PEX14: variants seen among roughly 807,000 people sequenced by gnomAD.
PEX14 encodes peroxisomal membrane protein PEX14.
Under a neutral mutation model 49.5 loss-of-function variants are expected in PEX14, and 15 were observed. That is an observed-to-expected ratio of 0.30 (90% CI 0.20 to 0.47). PEX14 has a LOEUF of 0.47. Among genes scored for constraint, PEX14 ranks in the 20% least tolerant of loss-of-function variants. PEX14 has a pLI of 1.00. For missense variants in PEX14, 398 were observed against 494.8 expected (o/e 0.80, Z 1.86); for synonymous variants, 210 against 212.7 (o/e 0.99, Z 0.11).
chr1:10,622,572 G>A (rs1641626532), intron 5 of PEX14, among the ~76,000 whole-genome samples: 1 of 152,164 alleles, frequency 6.6e-6, no homozygotes, highest in Non-Finnish European at 1.5e-5. Context: ...GGTTCAAAAT[G>A]TTCACAATTC....
In PEX14 at chr1:10,524,850, T is replaced by TA. The variant is rs200352600; in HGVS notation, c.85-11355dup. ...TGGAGCGCCACTACGCCAAGCTATT[T>TA]AAAAAAAACAAATTTTTTTTTGAAA... On this transcript the variant is annotated intron_variant, in intron 2 of 8. Transcript: ENST00000356607. Among the ~76,000 whole-genome samples the TA allele has an allele frequency of 3.9e-3, 596 of 152,044 alleles. 2 individuals carry two copies. The highest frequency in any genetic ancestry group is 0.013 in the African/African-American group (554 of 41,484).
At chr1:10,486,791 G>A (rs1172516110) in intron 1 of PEX14, among the ~76,000 whole-genome samples, 4 of 151,148 alleles carry the variant, frequency 2.6e-5, no homozygotes, top group Non-Finnish European at 4.4e-5. Context: ...GGGTTCAAGC[G>A]ATTCTCTGCC....
chr1:10,484,577 T>G (rs1641337034), intron 1 of PEX14, among the ~76,000 whole-genome samples: 1 of 151,786 alleles, frequency 6.6e-6, no homozygotes, highest in African/African-American at 2.4e-5. Context: ...AGTTTTTGAT[T>G]CCTGCGTAAC....
At chr1:10,583,965 T>G (rs986858304) in intron 3 of PEX14, among the ~76,000 whole-genome samples, 1 of 152,162 alleles carries the variant, frequency 6.6e-6, no homozygotes, top group Non-Finnish European at 1.5e-5. Context: ...AGTATCTTGG[T>G]AAGGACTTTG....
chr1:10,544,189 GA>G (rs1226312065), intron 3 of PEX14, among the ~76,000 whole-genome samples: 2 of 152,154 alleles, frequency 1.3e-5, no homozygotes, highest in Non-Finnish European at 2.9e-5. Flanking sequence ...TTTTCGCTGT[GA>G]CCCTAGTATG....
chr1:10,624,273 C>T (rs1018554400), intron 6 of PEX14, 67 bp from the exon 7 acceptor site: 24 of 1,004,638 alleles, frequency 2.4e-5, no homozygotes, highest in Non-Finnish European at 3.5e-5. Flanking sequence ...CCGAGGTGTG[C>T]GGACCGAGCG....
chr1:10,585,684 C>T (rs1640461006), intron 3 of PEX14, among the ~76,000 whole-genome samples: 1 of 152,224 alleles, frequency 6.6e-6, no homozygotes, highest in Admixed American at 6.5e-5. Context: ...CTTCGGGAGG[C>T]CGAGGTGAGC....
rs984047595 is a variant in PEX14, at chr1:10,628,337, C to A, written c.677+974C>A. Among the ~76,000 whole-genome samples the A allele has an allele frequency of 2.6e-5, 4 of 152,256 alleles. No homozygotes were observed. The highest frequency in any genetic ancestry group is 1.3e-4 in the Admixed American group (2 of 15,290). ...TGGGCTGATGCCCTAGTGGGCCTTG[C>A]ATGGGGTGTCCTTGTTTCCCTGCTG... On this transcript the variant is annotated intron_variant, in intron 8 of 8. Transcript: ENST00000356607. This position sits in a 1 kb window ranked among gnomAD's most constrained non-coding sequence, Gnocchi z 4.5.
intron 2 of PEX14, among the ~76,000 whole-genome samples, chr1:10,507,988 AG>A: frequency 6.6e-6 from 1 of 152,258 alleles, no homozygotes. Context: ...TAATGTTTAG[AG>A]GTTTTGAAAC....
At chr1:10,581,299 G>A (rs926068058) in intron 3 of PEX14, among the ~76,000 whole-genome samples, 1 of 138,842 alleles carries the variant, frequency 7.2e-6, no homozygotes, top group African/African-American at 2.8e-5. Flanking sequence ...GAGGATCTTT[G>A]TTATCCTTTT....
In PEX14 at chr1:10,495,450, CCT is replaced by C; in HGVS notation, c.84+132_84+133del. ...AAAAGTAGCTGTTACCTAGAGACTGCCTCTGTCAGTGACCTCTGACTTCTCTT... is the reference window on the plus strand; with the variant it reads ...AAAAGTAGCTGTTACCTAGAGACTGCCTGTCAGTGACCTCTGACTTCTCTT... On this transcript the variant is annotated intron_variant, in intron 2 of 8. Transcript: ENST00000356607. The surrounding 1 kb of genome is among the most constrained non-coding windows in gnomAD (Gnocchi z 4.2). 1.3e-6 allele frequency: 1 copy of C among 753,042 alleles called. No individual in the cohort carries two copies. Among genetic ancestry groups the C allele is most frequent in the Non-Finnish European group, 2.3e-6 (1 of 430,524 alleles). The allele number at this position is 753,042 out of a possible 1,614,324, so 46.6% of individuals were successfully genotyped here.
intron 3 of PEX14, among the ~76,000 whole-genome samples, chr1:10,557,834 CT>C (rs70997249): frequency 0.64 from 93,776 of 146,416 alleles, 30,157 homozygotes; most frequent in Admixed American, 0.69. Flanking sequence ...ATTTGCCTAC[CT>C]TTTTTTTTTT....
At chr1:10,582,609 C>T (rs1480499547) in intron 3 of PEX14, among the ~76,000 whole-genome samples, 1 of 152,176 alleles carries the variant, frequency 6.6e-6, no homozygotes, top group Non-Finnish European at 1.5e-5. Context: ...ATGGCTGGAA[C>T]ATCAGGGGTG....
intron 4 of PEX14, among the ~76,000 whole-genome samples, chr1:10,615,303 C>T (rs1462025301): frequency 3.3e-5 from 5 of 152,160 alleles, no homozygotes; most frequent in African/African-American, 9.7e-5. Context: ...GGGCTAATAT[C>T]CCTGCTATAT....
At chr1:10,540,389 A>G (rs1191064335) in intron 3 of PEX14, among the ~76,000 whole-genome samples, 1 of 152,172 alleles carries the variant, frequency 6.6e-6, no homozygotes, top group African/African-American at 2.4e-5. Context: ...TCTCGTTACC[A>G]TGAAAGCTTT....
Position 10,630,256 on chromosome 1 carries a change from C to T in PEX14, c.*269C>T, listed in dbSNP as rs907549104. 3.1e-5 allele frequency: 18 copies of T among 576,384 alleles called. No individual in the cohort carries two copies. The highest frequency in any genetic ancestry group is 1.7e-4 in the East Asian group (6 of 34,508). The allele number at this position is 576,384 out of a possible 1,614,324, so 35.7% of individuals were successfully genotyped here. A position where few individuals can be genotyped will look rare whatever the true frequency, so the allele number is the denominator to read the frequency against. ...TGATCTCAAGTCAGGCTGAAGGCAG[C>T]GAAGCCTCGGGGCCCAAGCCCCTCC... On this transcript the variant is annotated 3_prime_UTR_variant, in exon 9 of 9. Transcript: ENST00000356607. The surrounding 1 kb of genome is among the most constrained non-coding windows in gnomAD (Gnocchi z 4.1).
At chr1:10,477,709 A>G (rs1641219055) in intron 1 of PEX14, among the ~76,000 whole-genome samples, 1 of 152,168 alleles carries the variant, frequency 6.6e-6, no homozygotes, top group Admixed American at 6.5e-5. Flanking sequence ...AATAGCGGTT[A>G]CAAGTATAGG....
In PEX14 at chr1:10,588,953, G is replaced by A. The variant is rs184016061; in HGVS notation, c.170-10285G>A. Among the ~76,000 whole-genome samples, 83 of 152,284 alleles carry A rather than the reference G, an allele frequency of 5.5e-4. 1 individual carries two copies. Among genetic ancestry groups the A allele is most frequent in the African/African-American group, 1.8e-3 (75 of 41,558 alleles). ...AGGAAAAAAAATTTGTGCATAGAAT[G>A]TACAGAATTTTGTATTATCTGTGGT... On this transcript the variant is annotated intron_variant, in intron 3 of 8. Transcript: ENST00000356607.
At chr1:10,520,619 A>G (rs1638259912) in intron 2 of PEX14, among the ~76,000 whole-genome samples, 2 of 152,228 alleles carry the variant, frequency 1.3e-5, no homozygotes, top group Non-Finnish European at 2.9e-5. Context: ...AATTGCATCA[A>G]AACCACTCTA....
Sources: allele counts gnomAD v4.1 joint callset (sites outside exome capture counted in the v4.1 genomes callset), GRCh38; gene constraint gnomAD v4.1.1; non-coding constraint Gnocchi (gnomAD v3.1); transcripts MANE v1.5; gene names NCBI Gene and HGNC (gene_info 2026-07-23, HGNC 2026-07-21).